FAM228A: variants seen among roughly 807,000 people sequenced by gnomAD.
The protein encoded by FAM228A is family with sequence similarity 228 member A.
A neutral mutation model predicts 18.6 loss-of-function variants in FAM228A; 13 were observed. The ratio of observed to expected loss-of-function variants is 0.70; its 90% CI spans 0.45 to 1.11. The LOEUF (loss-of-function observed/expected upper bound fraction) is 1.11. Ranked by LOEUF, FAM228A falls within the 50% of genes least tolerant of loss-of-function variation. The pLI is 0.00. For synonymous variants in FAM228A, 77 were observed against 86.6 expected, an observed-to-expected ratio of 0.89 and a Z score of 0.61; for missense variants, 240 against 242.2, an observed-to-expected ratio of 0.99 and a Z score of 0.06.
At position 24,179,015 on chromosome 2, in the gene FAM228A, G is replaced by T. The variant is rs1435137035; in HGVS notation, c.162+1145G>T. 7 of 349,492 alleles carry T rather than the reference G, an allele frequency of 2.0e-5. 1 individual carries two copies. The highest frequency in any genetic ancestry group is 2.7e-5 in the Non-Finnish European group (6 of 223,270). 21.6% of individuals were successfully genotyped at this position (349,492 alleles called of 1,614,324 possible). ...CAACCCGAATGTGGCTGAGAGCTTA[G>T]TAGAGAGAACAAATTTTTTTTTCCC... On this transcript the variant is annotated intron_variant, in intron 3 of 5. Coordinates refer to ENST00000295150, the MANE Select transcript of FAM228A (RefSeq NM_001040710.3).
intron 5 of FAM228A, among the ~76,000 whole-genome samples, chr2:24,187,132 T>G (rs1667967988): frequency 6.6e-6 from 1 of 152,212 alleles, no homozygotes; most frequent in African/African-American, 2.4e-5. Flanking sequence ...GGGAAAATTC[T>G]AGGTCTCATG....
intron 5 of FAM228A, among the ~76,000 whole-genome samples, chr2:24,188,056 G>C (rs1667993099): frequency 6.6e-6 from 1 of 151,760 alleles, no homozygotes. Context: ...CCTCTCTTTT[G>C]GGTACTCCAG....
chr2:24,182,017 G>A (rs1160383777), intron 3 of FAM228A, among the ~76,000 whole-genome samples: 1 of 152,168 alleles, frequency 6.6e-6, no homozygotes, highest in Non-Finnish European at 1.5e-5. Context: ...GCAGTGGAGC[G>A]TGGCGAGTGT....
chr2:24,191,192 A>T lies in FAM228A; in HGVS notation c.*561A>T. The T allele has an allele frequency of 1.0e-6, 1 of 985,568 alleles. No individual in the cohort carries two copies. Among genetic ancestry groups the T allele is most frequent in the Non-Finnish European group, 1.2e-6 (1 of 830,092 alleles). The allele number at this position is 985,568 out of a possible 1,614,324, so 61.1% of individuals were successfully genotyped here. A position where few individuals can be genotyped will look rare whatever the true frequency, so the allele number is the denominator to read the frequency against. On this transcript the variant is annotated 3_prime_UTR_variant, in exon 6 of 6. Coordinates refer to ENST00000295150, the MANE Select transcript of FAM228A (RefSeq NM_001040710.3). Reference sequence around the variant, plus strand: ...TATTTCCCCTTCCATTCTCTCCGCCACGCCCTGTGCCCTGAGGCCTGAGGC... The same window carrying T: ...TATTTCCCCTTCCATTCTCTCCGCCTCGCCCTGTGCCCTGAGGCCTGAGGC...
intron 3 of FAM228A, chr2:24,178,993 C>A: frequency 8.8e-6 from 2 of 227,892 alleles, no homozygotes; most frequent in African/African-American, 2.4e-5. Context: ...GACTTTGCAA[C>A]CCGAATGTGG....
chr2:24,176,223 A>G (rs2151039571), intron 2 of FAM228A: 1 of 982,206 alleles, frequency 1.0e-6, no homozygotes, highest in Non-Finnish European at 1.2e-6. Context: ...TAAGAAGGTG[A>G]CTTCCCAAGA....
chr2:24,175,763 T>C lies in FAM228A; in HGVS notation c.93+190T>C, dbSNP rs1022718273. 3.9e-5 allele frequency: 30 copies of C among 761,424 alleles called. No homozygotes were observed. In the African/African-American group the frequency reaches 4.4e-4, roughly 11 times the overall value. The allele number at this position is 761,424 out of a possible 1,614,324, so 47.2% of individuals were successfully genotyped here. A position where few individuals can be genotyped will look rare whatever the true frequency, so the allele number is the denominator to read the frequency against. On this transcript the variant is annotated intron_variant, in intron 2 of 5. Coordinates refer to ENST00000295150, the MANE Select transcript of FAM228A (RefSeq NM_001040710.3). ...CCAAGAGTGTTTCCAGTCGCCAGCC[T>C]GGGGGCTGGCGCACCGACGGGGGCG... is the stretch of plus-strand genomic sequence containing the variant.
rs899502071 is a variant in FAM228A, at chr2:24,191,401, G to A, written c.*770G>A. On this transcript the variant is annotated 3_prime_UTR_variant, in exon 6 of 6. Coordinates refer to ENST00000295150, the MANE Select transcript of FAM228A (RefSeq NM_001040710.3). ...CCTGCTCAGTCCCATCGCTGTCCCC[G>A]GTCTCTCCAGGGAGTAAGGGATTCT... The A allele has an allele frequency of 1.3e-4, 129 of 985,336 alleles. No individual in the cohort carries two copies. Among genetic ancestry groups the A allele is most frequent in the Non-Finnish European group, 1.5e-4 (123 of 829,970 alleles). The allele number at this position is 985,336 out of a possible 1,614,324, so 61.0% of individuals were successfully genotyped here. A position where few individuals can be genotyped will look rare whatever the true frequency, so the allele number is the denominator to read the frequency against.
At chr2:24,181,414 C>T (rs11685208) in intron 3 of FAM228A, among the ~76,000 whole-genome samples, 127,508 of 152,190 alleles carry the variant, frequency 0.84, 55,031 homozygotes, top group Non-Finnish European at 0.93. Flanking sequence ...GACAGAGTTT[C>T]GCTCTTGTTG....
At chr2:24,185,648 G>T (rs1667930221) in intron 5 of FAM228A, among the ~76,000 whole-genome samples, 1 of 152,024 alleles carries the variant, frequency 6.6e-6, no homozygotes, top group African/African-American at 2.4e-5. Context: ...TAAAGGAGTG[G>T]TTCTTAATCA....
At chr2:24,186,837 C>T (rs547022087) in intron 5 of FAM228A, among the ~76,000 whole-genome samples, 13 of 152,066 alleles carry the variant, frequency 8.5e-5, no homozygotes, top group South Asian at 4.2e-4. Context: ...AGGGGTTTCA[C>T]GTTGGTCAGG....
At chr2:24,175,803 T>G (rs1667671505) in intron 2 of FAM228A, 2 of 965,326 alleles carry the variant, frequency 2.1e-6, no homozygotes, top group African/African-American at 1.7e-5. Flanking sequence ...GCCGGGCGGG[T>G]GAAGGCAGCC....
At chr2:24,181,910 A>C (rs956614912) in intron 3 of FAM228A, among the ~76,000 whole-genome samples, 1 of 152,222 alleles carries the variant, frequency 6.6e-6, no homozygotes, top group Non-Finnish European at 1.5e-5. Flanking sequence ...TACACTGTGC[A>C]CAAGGCATGG....
At chr2:24,177,238 G>A (rs373756388) in intron 2 of FAM228A, among the ~76,000 whole-genome samples, 2 of 152,158 alleles carry the variant, frequency 1.3e-5, no homozygotes, top group East Asian at 1.9e-4. Flanking sequence ...TCAGGAGTTC[G>A]AGAGCAGCCT....
intron 3 of FAM228A, chr2:24,179,186 GA>G (rs1410961915): frequency 3.4e-6 from 4 of 1,169,168 alleles, no homozygotes; most frequent in Non-Finnish European, 4.4e-6. Flanking sequence ...AAAATGGGTT[GA>G]AAATGTTGCA....
In FAM228A at chr2:24,191,446, T is replaced by C. The variant is rs892893805; in HGVS notation, c.*815T>C. ...GATTCTCCGTCTGTGGTAAGTTACC[T>C]GTGACTCTTCAGCAGTTTCCTCTGA... On this transcript the variant is annotated 3_prime_UTR_variant, in exon 6 of 6. Coordinates refer to ENST00000295150, the MANE Select transcript of FAM228A (RefSeq NM_001040710.3). 5.1e-6 allele frequency: 5 copies of C among 985,280 alleles called. No individual in the cohort carries two copies. Among genetic ancestry groups the C allele is most frequent in the Middle Eastern group, 5.2e-4 (1 of 1,936 alleles). The allele number at this position is 985,280 out of a possible 1,614,324, so 61.0% of individuals were successfully genotyped here. A position where few individuals can be genotyped will look rare whatever the true frequency, so the allele number is the denominator to read the frequency against.
At chr2:24,186,134 G>A (rs1355828582) in intron 5 of FAM228A, among the ~76,000 whole-genome samples, 1 of 151,742 alleles carries the variant, frequency 6.6e-6, no homozygotes. Context: ...TGAGTAGCTG[G>A]GATTACAGGT....
rs747210211 is a variant in FAM228A at position 24,175,550 on chromosome 2, C to A, written c.70C>A (p.Pro24Thr). The A allele has an allele frequency of 8.1e-6, 13 of 1,613,874 alleles. No homozygotes were observed. Among genetic ancestry groups the A allele is most frequent in the African/African-American group, 1.3e-5 (1 of 74,938 alleles). ...RPEKLREWPE[P>T]ESVSLMEVLA... is the part of the protein sequence containing the mutation. ...AGAAAAGTTAAGAGAATGGCCGGAGCCCGAGTCCGTTTCTTTAATGGAGGT... is the reference window on the plus strand; with the variant it reads ...AGAAAAGTTAAGAGAATGGCCGGAGACCGAGTCCGTTTCTTTAATGGAGGT... Residue 24 changes from proline to threonine, a missense_variant, in exon 2 of 6, where the codon CCC becomes ACC. Physicochemically the swap from Pro to Thr is conservative, Grantham distance 38. Coordinates refer to ENST00000295150, the MANE Select transcript of FAM228A (RefSeq NM_001040710.3).
intron 3 of FAM228A, among the ~76,000 whole-genome samples, chr2:24,178,288 T>G (rs984322057): frequency 6.6e-6 from 1 of 152,226 alleles, no homozygotes; most frequent in Admixed American, 6.5e-5. Flanking sequence ...GGGCATTTAA[T>G]TTCAATGAGA....
Sources: gnomAD v4.1 joint callset for allele counts (sites outside exome capture counted in the v4.1 genomes callset) on GRCh38, gnomAD v4.1.1 for gene constraint, MANE v1.5 for transcripts, NCBI Gene and HGNC (gene_info 2026-07-23, HGNC 2026-07-21) for gene names.